SPECC1: variants seen among roughly 807,000 people sequenced by gnomAD.
SPECC1 encodes sperm antigen with calponin homology and coiled-coil domains 1.
In SPECC1, 62 loss-of-function variants were observed where a neutral mutation model predicts 104.1. The ratio of observed to expected loss-of-function variants is 0.60; its 90% CI spans 0.49 to 0.74. The LOEUF (loss-of-function observed/expected upper bound fraction) is 0.74. SPECC1 is among the 30% of genes least tolerant of loss of function. The probability of loss-of-function intolerance (pLI) is 0.00; values close to 1 mark genes in which losing one functional copy is unlikely to be tolerated. For synonymous variants in SPECC1, 513 were observed against 501.6 expected (o/e 1.02, Z -0.30); for missense variants, 1,306 against 1,310.5 (o/e 1.00, Z 0.05).
At chr17:20,244,783 A>T (rs150899274) in intron 7 of SPECC1, among the ~76,000 whole-genome samples, 37 of 152,344 alleles carry the variant, frequency 2.4e-4, no homozygotes, top group Non-Finnish European at 4.7e-4. Context: ...TATTATCATA[A>T]ATTAGTCATC....
At chr17:20,158,730 CTT>C (rs1402421075) in intron 3 of SPECC1, among the ~76,000 whole-genome samples, 1 of 152,216 alleles carries the variant, frequency 6.6e-6, no homozygotes, top group Non-Finnish European at 1.5e-5. Context: ...CTCTGCAGTC[CTT>C]GCAGATGAAT....
intron 1 of SPECC1, among the ~76,000 whole-genome samples, chr17:20,033,379 A>T (rs1309112197): frequency 6.6e-6 from 1 of 152,154 alleles, no homozygotes; most frequent in East Asian, 1.9e-4. Flanking sequence ...TAGTGACTGC[A>T]TAGATTATTT....
At chr17:20,230,238 T>G (rs1234255653) in intron 5 of SPECC1, among the ~76,000 whole-genome samples, 1 of 152,182 alleles carries the variant, frequency 6.6e-6, no homozygotes, top group African/African-American at 2.4e-5. Flanking sequence ...GTTTGCTGAT[T>G]TGGTGTGCAT....
chr17:20,208,054 G>A (rs1383841812), intron 4 of SPECC1, among the ~76,000 whole-genome samples: 1 of 152,126 alleles, frequency 6.6e-6, no homozygotes, highest in Non-Finnish European at 1.5e-5. Flanking sequence ...ATAAAATCTG[G>A]AATCTTCTGG....
Position 20,245,957 on chromosome 17 carries a change from G to T in SPECC1, c.2383G>T (p.Val795Phe). ...GGATGAAGAGCCAGAGTCCTCTGAG[G>T]TCGATGCTGCTGGTCGGTGGCCTGG... ...PVDEEPESSE[V>F]DAAGRWPGVC... The change falls in exon 8 of 15, where the codon GTC becomes TTC. Residue 795 changes from valine (V) to phenylalanine (F), a missense_variant. By Grantham distance (50) the Val-to-Phe change is conservative. Coordinates refer to ENST00000395527, the MANE Select transcript of SPECC1 (RefSeq NM_001243439.2). 1 of 1,614,104 alleles carries T rather than the reference G, an allele frequency of 6.2e-7. No individual in the cohort carries two copies. The highest frequency in any genetic ancestry group is 8.5e-7 in the Non-Finnish European group (1 of 1,180,018).
At chr17:20,139,617 T>C (rs2030500004) in intron 3 of SPECC1, among the ~76,000 whole-genome samples, 1 of 152,250 alleles carries the variant, frequency 6.6e-6, no homozygotes, top group African/African-American at 2.4e-5. Flanking sequence ...CTTTATTAAC[T>C]TCCTTTCTCT....
intron 3 of SPECC1, among the ~76,000 whole-genome samples, chr17:20,161,622 AAGG>A (rs905409577): frequency 6.6e-6 from 1 of 152,200 alleles, no homozygotes; most frequent in Non-Finnish European, 1.5e-5. Context: ...AGGAAGGAGT[AAGG>A]AGAATGGAAA....
At chr17:20,069,964 T>C (rs1457253205) in intron 1 of SPECC1, among the ~76,000 whole-genome samples, 1 of 152,182 alleles carries the variant, frequency 6.6e-6, no homozygotes, top group African/African-American at 2.4e-5. Flanking sequence ...GATCTTGTAT[T>C]CTGCAGCCTT....
At chr17:20,110,355 C>T in intron 2 of SPECC1, 72 bp from the exon 3 acceptor site, 1 of 1,516,944 alleles carries the variant, frequency 6.6e-7, no homozygotes, top group Admixed American at 2.0e-5. Context: ...AGCTCCCATG[C>T]TCTGCTTGTT....
At chr17:20,264,865 G>A (rs1447822876) in intron 12 of SPECC1, among the ~76,000 whole-genome samples, 1 of 152,192 alleles carries the variant, frequency 6.6e-6, no homozygotes, top group Non-Finnish European at 1.5e-5. Flanking sequence ...TTATAAGTGA[G>A]ATGTGGTATT....
chr17:20,255,751 G>A (rs1178930530), intron 10 of SPECC1, among the ~76,000 whole-genome samples: 1 of 152,068 alleles, frequency 6.6e-6, no homozygotes, highest in Non-Finnish European at 1.5e-5. Flanking sequence ...TTTTGTGGGG[G>A]GATAGAGACA....
At chr17:20,039,181 G>T (rs1388745423) in intron 1 of SPECC1, among the ~76,000 whole-genome samples, 3 of 152,160 alleles carry the variant, frequency 2.0e-5, no homozygotes, top group Non-Finnish European at 4.4e-5. Flanking sequence ...CCAGGGTAGG[G>T]TCTAAGGATA....
chr17:20,169,406 A>G (rs1278985758), intron 3 of SPECC1, among the ~76,000 whole-genome samples: 1 of 152,210 alleles, frequency 6.6e-6, no homozygotes, highest in Non-Finnish European at 1.5e-5. Context: ...GAATTTTCCA[A>G]AATGCCTTTT....
intron 3 of SPECC1, among the ~76,000 whole-genome samples, chr17:20,195,802 TAATC>T (rs1368275588): frequency 6.6e-6 from 1 of 152,186 alleles, no homozygotes; most frequent in African/African-American, 2.4e-5. Context: ...TTTCCAATCT[TAATC>T]AGTTTGACCA....
chr17:20,121,767 A>T (rs2049044813), intron 3 of SPECC1, among the ~76,000 whole-genome samples: 1 of 152,192 alleles, frequency 6.6e-6, no homozygotes, highest in Non-Finnish European at 1.5e-5. Context: ...GGGTCAAGTG[A>T]AAGGTTGTGG....
chr17:20,311,749 T>G lies in SPECC1; in HGVS notation c.3118-2227T>G, dbSNP rs535054880. On this transcript the variant is annotated intron_variant, in intron 14 of 14. Transcript: ENST00000395527. ...TGATTTTACGGGGGGAATGTTCAGG[T>G]CTTTCACCATTAAGTATGATGTCAG... 2.6e-5 allele frequency among the ~76,000 whole-genome samples: 4 copies of G among 152,302 alleles called. No homozygotes were observed. In the East Asian group the frequency reaches 7.7e-4, roughly 29 times the overall value.
intron 1 of SPECC1, among the ~76,000 whole-genome samples, chr17:20,061,036 A>G (rs945130486): frequency 6.6e-6 from 1 of 152,166 alleles, no homozygotes; most frequent in Non-Finnish European, 1.5e-5. Flanking sequence ...AACATTTCAA[A>G]TTTGTGAAAT....
chr17:20,218,291 C>A (rs2037637396), intron 4 of SPECC1, among the ~76,000 whole-genome samples: 1 of 152,056 alleles, frequency 6.6e-6, no homozygotes, highest in Admixed American at 6.6e-5. Flanking sequence ...GCCCACCCCC[C>A]AACCCTGCAT....
intron 3 of SPECC1, among the ~76,000 whole-genome samples, chr17:20,201,164 T>TA (rs1229398418): frequency 1.3e-5 from 2 of 151,356 alleles, no homozygotes; most frequent in Middle Eastern, 3.2e-3. Flanking sequence ...ATTGAAGGTT[T>TA]AAAAAAAAGA....
Sources: gnomAD v4.1 joint callset for allele counts (sites outside exome capture counted in the v4.1 genomes callset) on GRCh38, gnomAD v4.1.1 for gene constraint, MANE v1.5 for transcripts, NCBI Gene and HGNC (gene_info 2026-07-23, HGNC 2026-07-21) for gene names.